CD38: variants seen among roughly 807,000 people sequenced by gnomAD.
CD38 encodes the protein CD38 molecule, also known as ADP-ribosyl cyclase/cyclic ADP-ribose hydrolase 1.
CD38 carries 31 observed loss-of-function variants against 36.3 expected under a neutral mutation model. The observed-to-expected ratio is 0.85, with a 90% CI of 0.64 to 1.15. The LOEUF is 1.15. Ranked by LOEUF, CD38 falls within the 50% of genes most tolerant of loss-of-function variation. CD38 has a pLI of 0.00. For synonymous variants in CD38, 131 were observed against 135.2 expected (o/e 0.97, Z 0.22); for missense variants, 380 against 371.9 (o/e 1.02, Z -0.18).
At chr4:15,826,307 T>C (rs546949550) in intron 3 of CD38, among the ~76,000 whole-genome samples, 127 of 152,330 alleles carry the variant, frequency 8.3e-4, no homozygotes, top group African/African-American at 3.0e-3. Flanking sequence ...CACGCGCTGT[T>C]GTGCAACTTG....
chr4:15,806,027 A>G (rs1723333185), intron 1 of CD38, among the ~76,000 whole-genome samples: 2 of 152,162 alleles, frequency 1.3e-5, no homozygotes. Flanking sequence ...TGAAGGTGAT[A>G]TTGCTTAATT....
At chr4:15,791,659 C>A (rs1440079622) in intron 1 of CD38, among the ~76,000 whole-genome samples, 4 of 86,048 alleles carry the variant, frequency 4.6e-5, no homozygotes, top group African/African-American at 9.1e-5. Context: ...CCAGCCGCCC[C>A]GTCCGGGAGG....
chr4:15,785,886 T>G (rs1722808455), intron 1 of CD38, among the ~76,000 whole-genome samples: 1 of 152,156 alleles, frequency 6.6e-6, no homozygotes, highest in Non-Finnish European at 1.5e-5. Flanking sequence ...CCTTCTGGTG[T>G]TGGACATGTT....
In CD38 at chr4:15,852,150, T is replaced by A. The variant is rs1385772498; in HGVS notation, c.*3548T>A. On this transcript the variant is annotated 3_prime_UTR_variant, in exon 8 of 8. Coordinates refer to ENST00000226279, the MANE Select transcript of CD38 (RefSeq NM_001775.4). Reference sequence around the variant, plus strand: ...AGTAATTGCAGCATCCAGTAGGTCTTACTTTAGCCCTGAGTCACCATTTGT... The same window carrying A: ...AGTAATTGCAGCATCCAGTAGGTCTAACTTTAGCCCTGAGTCACCATTTGT... The A allele has an allele frequency of 6.6e-6, 1 of 152,256 alleles. No homozygotes were observed. The highest frequency in any genetic ancestry group is 2.4e-5 in the African/African-American group (1 of 41,470). 9.4% of individuals were successfully genotyped at this position (152,256 alleles called of 1,614,324 possible).
intron 1 of CD38, among the ~76,000 whole-genome samples, chr4:15,813,079 ACTT>A (rs754142364): frequency 6.6e-6 from 1 of 152,302 alleles, no homozygotes; most frequent in Admixed American, 6.5e-5. Flanking sequence ...GGATAGGTTT[ACTT>A]CTTCTTATCT....
chr4:15,806,696 G>A (rs905305213), intron 1 of CD38, among the ~76,000 whole-genome samples: 2 of 152,122 alleles, frequency 1.3e-5, no homozygotes, highest in African/African-American at 2.4e-5. Flanking sequence ...AGGGCGATAG[G>A]GTGAGTGAGA....
chr4:15,827,529 A>T (rs1182250899), intron 3 of CD38, among the ~76,000 whole-genome samples: 1 of 151,618 alleles, frequency 6.6e-6, no homozygotes, highest in African/African-American at 2.4e-5. Flanking sequence ...TTTTCCATTA[A>T]TTTTTTTAGA....
Position 15,778,342 on chromosome 4 carries a change from C to A in CD38, c.-73C>A. The A allele has an allele frequency of 1.0e-6, 1 of 990,420 alleles. No homozygotes were observed. The highest frequency in any genetic ancestry group is 1.6e-6 in the Non-Finnish European group (1 of 628,470). 61.4% of individuals were successfully genotyped at this position (990,420 alleles called of 1,614,324 possible). On this transcript the variant is annotated 5_prime_UTR_variant, in exon 1 of 8. Coordinates refer to ENST00000226279, the MANE Select transcript of CD38 (RefSeq NM_001775.4). The surrounding 1 kb of genome is among the most constrained non-coding windows in gnomAD (Gnocchi z 4.9). Reference sequence around the variant, plus strand: ...GAAGGGGAGGTGCAGTTTCAGAACCCAGCCAGCCTCTCTCTTGCTGCCTAG... The same window carrying A: ...GAAGGGGAGGTGCAGTTTCAGAACCAAGCCAGCCTCTCTCTTGCTGCCTAG...
At chr4:15,824,836 A>G (rs752175525) in intron 2 of CD38, 45 bp from the exon 3 acceptor site, 1 of 1,493,212 alleles carries the variant, frequency 6.7e-7, no homozygotes, top group Non-Finnish European at 9.2e-7. Flanking sequence ...TTTTTTTGAC[A>G]TGCTAAATTG....
chr4:15,781,738 A>T (rs916113150), intron 1 of CD38, among the ~76,000 whole-genome samples: 2 of 152,362 alleles, frequency 1.3e-5, no homozygotes, highest in South Asian at 4.1e-4. Flanking sequence ...AAATATCTGG[A>T]TACCATGCCT....
At position 15,840,470 on chromosome 4, in the gene CD38, C is replaced by T. The variant is rs1369308999; in HGVS notation, c.771C>T (p.Pro257=). 1.2e-6 allele frequency: 2 copies of T among 1,602,200 alleles called. No individual in the cohort carries two copies. The highest frequency in any genetic ancestry group is 1.7e-6 in the Non-Finnish European group (2 of 1,170,096). ...REDSRDLCQD[P]TIKELESIIS... is the part of the protein sequence containing the mutation. ...TCCCCAGAGACTTATGCCAGGATCC[C>T]ACCATAAAAGAGCTGGAATCGATTA... The change falls in exon 7 of 8, where the codon CCC becomes CCT. Residue 257 remains proline, a synonymous_variant. Coordinates refer to ENST00000226279, the MANE Select transcript of CD38 (RefSeq NM_001775.4).
Position 15,849,572 on chromosome 4 carries a change from A to G in CD38, c.*970A>G, listed in dbSNP as rs979387820. On this transcript the variant is annotated 3_prime_UTR_variant, in exon 8 of 8. Transcript: ENST00000226279. Reference sequence around the variant, plus strand: ...GCTCAGTGTTTTATATATGTAGTATACAGTTAAAATATACTTGTTGCTGGT... The same window carrying G: ...GCTCAGTGTTTTATATATGTAGTATGCAGTTAAAATATACTTGTTGCTGGT... 6.6e-6 allele frequency: 1 copy of G among 152,220 alleles called. No individual in the cohort carries two copies. The highest frequency in any genetic ancestry group is 2.4e-5 in the African/African-American group (1 of 41,450). 9.4% of individuals were successfully genotyped at this position (152,220 alleles called of 1,614,324 possible). A position where few individuals can be genotyped will look rare whatever the true frequency, so the allele number is the denominator to read the frequency against.
At chr4:15,830,566 TC>T (rs1723939936) in intron 3 of CD38, among the ~76,000 whole-genome samples, 2 of 152,208 alleles carry the variant, frequency 1.3e-5, no homozygotes, top group Admixed American at 6.5e-5. Context: ...GTTGATTGTT[TC>T]CTTTGCTATG....
intron 2 of CD38, among the ~76,000 whole-genome samples, chr4:15,818,815 A>T (rs1220871842): frequency 6.6e-6 from 1 of 152,206 alleles, no homozygotes; most frequent in Admixed American, 6.5e-5. Flanking sequence ...GAAAGCAACA[A>T]CATCAATGAA....
At chr4:15,804,287 G>A (rs1723294089) in intron 1 of CD38, among the ~76,000 whole-genome samples, 1 of 152,130 alleles carries the variant, frequency 6.6e-6, no homozygotes, top group Non-Finnish European at 1.5e-5. Flanking sequence ...CACCAACAGT[G>A]TATAAGCGAC....
At chr4:15,828,312 G>A (rs1029960709) in intron 3 of CD38, among the ~76,000 whole-genome samples, 36 of 152,220 alleles carry the variant, frequency 2.4e-4, no homozygotes, top group African/African-American at 6.3e-4. Flanking sequence ...CACCAGGCCC[G>A]ACCTCAAATA....
chr4:15,809,145 A>T (rs1723409546), intron 1 of CD38, among the ~76,000 whole-genome samples: 6 of 152,224 alleles, frequency 3.9e-5, no homozygotes. Context: ...AGCACTTGGT[A>T]AATGCTAATT....
At chr4:15,785,730 C>T (rs1440667557) in intron 1 of CD38, among the ~76,000 whole-genome samples, 1 of 152,194 alleles carries the variant, frequency 6.6e-6, no homozygotes, top group Non-Finnish European at 1.5e-5. Context: ...TAAACTTTCT[C>T]TGAATCCTGT....
chr4:15,835,313 T>G (rs1438692184), intron 4 of CD38, among the ~76,000 whole-genome samples: 1 of 151,350 alleles, frequency 6.6e-6, no homozygotes, highest in Non-Finnish European at 1.5e-5. Flanking sequence ...TTACTTCACT[T>G]AACATAATGC....
Sources: gnomAD v4.1 joint callset for allele counts (sites outside exome capture counted in the v4.1 genomes callset) on GRCh38, gnomAD v4.1.1 for gene constraint, Gnocchi (gnomAD v3.1) non-coding constraint, MANE v1.5 for transcripts, NCBI Gene and HGNC (gene_info 2026-07-23, HGNC 2026-07-21) for gene names.